Variants in RORA observed in about 807,000 individuals in gnomAD.
RORA encodes the protein nuclear receptor ROR-alpha.
RORA carries 7 observed loss-of-function variants against 69.5 expected under a neutral mutation model. That is an observed-to-expected ratio of 0.10 (90% CI 0.06 to 0.19). The LOEUF (loss-of-function observed/expected upper bound fraction) is 0.19, where lower values mean the gene tolerates loss of function less well. Ranked by LOEUF, RORA falls within the 10% of genes least tolerant of loss-of-function variation. The pLI, the probability that RORA is intolerant of heterozygous loss-of-function variation, is 1.00. For synonymous variants in RORA, 261 were observed against 240.8 expected, an observed-to-expected ratio of 1.08 and a Z score of -0.78; for missense variants, 457 against 663.0, an observed-to-expected ratio of 0.69 and a Z score of 3.41.
chr15:61,142,147 G>GT (rs11479734), intron 1 of RORA, among the ~76,000 whole-genome samples: 20 of 151,322 alleles, frequency 1.3e-4, no homozygotes, highest in African/African-American at 2.4e-4. Context: ...CATTTATAAA[G>GT]TTTTTTTTTT....
chr15:61,202,049 C>T (rs150490536), intron 1 of RORA, among the ~76,000 whole-genome samples: 1,560 of 148,658 alleles, frequency 0.01, 36 homozygotes, highest in African/African-American at 0.037. Context: ...ACTCTGTTGC[C>T]GAGGCTGGAG....
intron 2 of RORA, chr15:60,592,374 C>T (rs1440622786): frequency 7.0e-7 from 1 of 1,419,258 alleles, no homozygotes; most frequent in Non-Finnish European, 9.3e-7. Flanking sequence ...CCCGGCGGGG[C>T]GCCCGGGCTC....
Position 61,191,659 on chromosome 15 carries a change from C to G in RORA, c.166+37394G>C, listed in dbSNP as rs146113073. Among the ~76,000 whole-genome samples, 150 of 152,286 alleles carry G rather than the reference C, an allele frequency of 9.8e-4. 1 individual carries two copies. Among genetic ancestry groups the G allele is most frequent in the African/African-American group, 3.5e-3 (147 of 41,568 alleles). On this transcript the variant is annotated intron_variant, in intron 1 of 10. Coordinates refer to ENST00000335670, the MANE Select transcript of RORA (RefSeq NM_134261.3). ...AGACACTGACTGCTTATTGGTTCTC[C>G]CTTCCCAAACAATAAGAACAGTAAA...
At chr15:60,983,661 A>C (rs2090916237) in intron 1 of RORA, among the ~76,000 whole-genome samples, 1 of 152,140 alleles carries the variant, frequency 6.6e-6, no homozygotes, top group Non-Finnish European at 1.5e-5. Context: ...TTAGATAAGA[A>C]CTCTTTCAAC....
intron 1 of RORA, among the ~76,000 whole-genome samples, chr15:61,069,394 G>GA (rs1386271731): frequency 1.3e-5 from 2 of 151,964 alleles, no homozygotes; most frequent in Non-Finnish European, 2.9e-5. Context: ...TCCCAAAGGA[G>GA]AAAAAAGCAA....
rs61709008 is a variant in RORA, at chr15:60,589,791, G to A, written c.197-57940C>T. ...ATGTTTAAAAAACATCAGTAAATCA[G>A]CCAACAAAGAGAATCTTTCTTTTAT... On this transcript the variant is annotated intron_variant, in intron 2 of 10. Coordinates refer to ENST00000335670, the MANE Select transcript of RORA (RefSeq NM_134261.3). 2.6e-5 allele frequency among the ~76,000 whole-genome samples: 4 copies of A among 152,274 alleles called. No homozygotes were observed. In the East Asian group the frequency reaches 7.7e-4, roughly 29 times the overall value.
intron 1 of RORA, among the ~76,000 whole-genome samples, chr15:60,812,522 A>C (rs74999503): frequency 0.063 from 9,620 of 152,262 alleles, 385 homozygotes; most frequent in Admixed American, 0.092. Flanking sequence ...AAAATAAATA[A>C]ATCAATAAAT....
intron 2 of RORA, among the ~76,000 whole-genome samples, chr15:60,552,045 C>T (rs1175529452): frequency 6.6e-6 from 1 of 152,146 alleles, no homozygotes; most frequent in Admixed American, 6.5e-5. Context: ...ACACAGGATC[C>T]TTCGTGGTTC....
chr15:60,496,492 C>T lies in RORA; in HGVS notation c.*963G>A, dbSNP rs1005610460. The T allele has an allele frequency of 1.3e-5, 2 of 152,006 alleles. No homozygotes were observed. The highest frequency in any genetic ancestry group is 4.8e-5 in the African/African-American group (2 of 41,392). The allele number at this position is 152,006 out of a possible 1,614,324, so 9.4% of individuals were successfully genotyped here. On this transcript the variant is annotated 3_prime_UTR_variant, in exon 11 of 11. Coordinates refer to ENST00000335670, the MANE Select transcript of RORA (RefSeq NM_134261.3). This position sits in a 1 kb window ranked among gnomAD's most constrained non-coding sequence, Gnocchi z 4.5. ...TGAGCATGATGGTATATGTCCACCA[C>T]GCCAATCAATCATTCAACTTTGTAT... is the stretch of plus-strand genomic sequence containing the variant.
chr15:61,211,671 G>A (rs1373762754), intron 1 of RORA, among the ~76,000 whole-genome samples: 1 of 152,314 alleles, frequency 6.6e-6, no homozygotes, highest in East Asian at 1.9e-4. Context: ...CTCAGTGATG[G>A]CCACAGAGGG....
intron 1 of RORA, among the ~76,000 whole-genome samples, chr15:60,784,356 C>G (rs2072306621): frequency 6.6e-6 from 1 of 152,190 alleles, no homozygotes; most frequent in Admixed American, 6.5e-5. Flanking sequence ...TTGGATCTTC[C>G]ATTCAATGGG....
chr15:60,624,522 T>TAA (rs2069517659), intron 2 of RORA, among the ~76,000 whole-genome samples: 2 of 143,798 alleles, frequency 1.4e-5, no homozygotes, highest in Non-Finnish European at 3.0e-5. Flanking sequence ...TGTATATATA[T>TAA]ATATAGTATA....
At chr15:60,795,721 T>C (rs1387149712) in intron 1 of RORA, among the ~76,000 whole-genome samples, 1 of 152,204 alleles carries the variant, frequency 6.6e-6, no homozygotes, top group African/African-American at 2.4e-5. Context: ...GCCTTCCTTA[T>C]GGCGCCTCCC....
intron 1 of RORA, among the ~76,000 whole-genome samples, chr15:61,109,164 C>T (rs2140776981): frequency 6.6e-6 from 1 of 152,286 alleles, no homozygotes; most frequent in East Asian, 1.9e-4. Context: ...CCACTACACT[C>T]CAGCCTGGTG....
At chr15:61,176,222 C>T (rs919355328) in intron 1 of RORA, 1 of 152,214 alleles carries the variant, frequency 6.6e-6, no homozygotes, top group African/African-American at 2.4e-5. Flanking sequence ...TGTGTTCAAA[C>T]ACTCTCTTCT....
intron 1 of RORA, among the ~76,000 whole-genome samples, chr15:61,023,199 A>AC (rs886365294): frequency 4.6e-5 from 6 of 131,116 alleles, no homozygotes; most frequent in African/African-American, 1.1e-4. Flanking sequence ...AAAAAAAAAA[A>AC]AAAAAAAAAA....
Position 60,634,016 on chromosome 15 carries a change from C to T in RORA, c.196+44641G>A, listed in dbSNP as rs149891561. Among the ~76,000 whole-genome samples, 37 of 152,236 alleles carry T rather than the reference C, an allele frequency of 2.4e-4. No homozygotes were observed. The East Asian group carries it at 5.0e-3, about 21-fold the overall frequency. On this transcript the variant is annotated intron_variant, in intron 2 of 10. Transcript: ENST00000335670. Reference sequence around the variant, plus strand: ...GTTACAAACTGAGTATCCTTTTCAACGGCTTGTTGAAGCAAAGAATTAAAT... The same window carrying T: ...GTTACAAACTGAGTATCCTTTTCAATGGCTTGTTGAAGCAAAGAATTAAAT...
intron 1 of RORA, among the ~76,000 whole-genome samples, chr15:60,976,799 A>T (rs2140356463): frequency 6.6e-6 from 1 of 152,232 alleles, no homozygotes; most frequent in South Asian, 2.1e-4. Flanking sequence ...CTTCCCTTGC[A>T]CCAGTTCTTT....
At chr15:60,521,628 T>C (rs2066170321) in intron 3 of RORA, among the ~76,000 whole-genome samples, 1 of 152,120 alleles carries the variant, frequency 6.6e-6, no homozygotes. Flanking sequence ...TTGATTCGAG[T>C]TTTCTGATTT....
Sources: gnomAD v4.1 joint callset for allele counts (sites outside exome capture counted in the v4.1 genomes callset) on GRCh38, gnomAD v4.1.1 for gene constraint, Gnocchi (gnomAD v3.1) non-coding constraint, MANE v1.5 for transcripts, NCBI Gene and HGNC (gene_info 2026-07-23, HGNC 2026-07-21) for gene names.